The following ZSWIM5 variants were observed in gnomAD, a reference collection of about 807,000 sequenced individuals.
The protein encoded by ZSWIM5 is zinc finger SWIM-type containing 5.
ZSWIM5 carries 55 observed loss-of-function variants against 119.6 expected under a neutral mutation model. The ratio of observed to expected loss-of-function variants is 0.46; its 90% CI spans 0.37 to 0.58. ZSWIM5 has a LOEUF of 0.58. Ranked by LOEUF, ZSWIM5 falls within the 20% of genes least tolerant of loss-of-function variation. The pLI is 0.00. For synonymous variants in ZSWIM5, 537 were observed against 606.9 expected, an observed-to-expected ratio of 0.88 and a Z score of 1.69; for missense variants, 1,193 against 1,512.8, an observed-to-expected ratio of 0.79 and a Z score of 3.51.
At chr1:45,190,374 G>C (rs1290412529) in intron 1 of ZSWIM5, among the ~76,000 whole-genome samples, 1 of 152,088 alleles carries the variant, frequency 6.6e-6, no homozygotes, top group Non-Finnish European at 1.5e-5. Flanking sequence ...TAGACCACCA[G>C]AGATTCTGGC....
rs1275889455 is a variant in ZSWIM5, at chr1:45,088,539, T to A, written c.596-302A>T. 6.6e-6 allele frequency among the ~76,000 whole-genome samples: 1 copy of A among 152,162 alleles called. No homozygotes were observed. Among genetic ancestry groups the A allele is most frequent in the Non-Finnish European group, 1.5e-5 (1 of 68,038 alleles). On this transcript the variant is annotated intron_variant, in intron 1 of 13. Transcript: ENST00000359600. The surrounding 1 kb of genome is among the most constrained non-coding windows in gnomAD (Gnocchi z 4.2). ...GGGTGGGGATAGTTCATAGCTATCA[T>A]CATAGTCTCAGAAAGACTAATAAGG...
At chr1:45,047,946 G>C (rs1645065132) in intron 5 of ZSWIM5, among the ~76,000 whole-genome samples, 1 of 152,068 alleles carries the variant, frequency 6.6e-6, no homozygotes. Context: ...GCACAGACTA[G>C]GGAAATGTAC....
intron 1 of ZSWIM5, among the ~76,000 whole-genome samples, chr1:45,134,887 T>A (rs1048463385): frequency 1.5e-4 from 23 of 152,238 alleles, no homozygotes; most frequent in African/African-American, 5.3e-4. Context: ...TCAAGGCTCA[T>A]CCATGTTGTA....
chr1:45,188,564 C>G (rs1019832172), intron 1 of ZSWIM5, among the ~76,000 whole-genome samples: 10 of 152,174 alleles, frequency 6.6e-5, no homozygotes, highest in African/African-American at 1.9e-4. Context: ...CTGAATTGTA[C>G]ACTTTAAATG....
At chr1:45,195,873 CTTTTTT>C in intron 1 of ZSWIM5, among the ~76,000 whole-genome samples, 1 of 138,580 alleles carries the variant, frequency 7.2e-6, no homozygotes. Context: ...TTTTCTTTTT[CTTTTTT>C]TTTTTTTTAG....
intron 1 of ZSWIM5, among the ~76,000 whole-genome samples, chr1:45,099,952 G>A (rs536543864): frequency 1.3e-5 from 2 of 152,298 alleles, no homozygotes; most frequent in South Asian, 2.1e-4. Flanking sequence ...TACTGAATGG[G>A]CAAAAACTGG....
intron 1 of ZSWIM5, among the ~76,000 whole-genome samples, chr1:45,153,093 T>TAAAAAAAAAAAAA (rs76324771): frequency 9.4e-6 from 1 of 105,866 alleles, no homozygotes. Context: ...ATTAAAAAGT[T>TAAAAAAAAAAAAA]AAAAAAAAAA....
chr1:45,115,301 G>C (rs1345982073), intron 1 of ZSWIM5, among the ~76,000 whole-genome samples: 1 of 151,434 alleles, frequency 6.6e-6, no homozygotes, highest in Non-Finnish European at 1.5e-5. Flanking sequence ...CCTCCTGGAT[G>C]GGGCGGCTGG....
At chr1:45,050,484 T>C (rs1474176826) in intron 5 of ZSWIM5, among the ~76,000 whole-genome samples, 1 of 152,190 alleles carries the variant, frequency 6.6e-6, no homozygotes, top group East Asian at 1.9e-4. Context: ...TTAGTTGAAC[T>C]AAAACTGATA....
chr1:45,163,039 C>G (rs558972723), intron 1 of ZSWIM5, among the ~76,000 whole-genome samples: 61 of 152,284 alleles, frequency 4.0e-4, no homozygotes, highest in Middle Eastern at 6.8e-3. Context: ...GGTCCTTGAC[C>G]CCCAAGTAGC....
At chr1:45,151,689 G>A (rs1242394049) in intron 1 of ZSWIM5, among the ~76,000 whole-genome samples, 1 of 152,068 alleles carries the variant, frequency 6.6e-6, no homozygotes, top group Non-Finnish European at 1.5e-5. Flanking sequence ...AATTAGGTAA[G>A]CAAAGAAGGG....
At chr1:45,145,998 G>A (rs1645757357) in intron 1 of ZSWIM5, among the ~76,000 whole-genome samples, 1 of 152,154 alleles carries the variant, frequency 6.6e-6, no homozygotes. Flanking sequence ...TGATATTCAA[G>A]TAAGAAAAGG....
chr1:45,036,603 C>T lies in ZSWIM5; in HGVS notation c.1895-304G>A, dbSNP rs148211415. 8.0e-3 allele frequency among the ~76,000 whole-genome samples: 1,216 copies of T among 152,108 alleles called. 15 individuals carry two copies. Among genetic ancestry groups the T allele is most frequent in the African/African-American group, 0.028 (1,151 of 41,478 alleles). Reference sequence around the variant, plus strand: ...CTCCTGACCTCAGGTGATCTGCCTACCTCGGCCTCCGAATGTGCTGGGATT... The same window carrying T: ...CTCCTGACCTCAGGTGATCTGCCTATCTCGGCCTCCGAATGTGCTGGGATT... On this transcript the variant is annotated intron_variant, in intron 8 of 13. Transcript: ENST00000359600.
At chr1:45,158,348 T>C (rs1462867084) in intron 1 of ZSWIM5, among the ~76,000 whole-genome samples, 1 of 151,984 alleles carries the variant, frequency 6.6e-6, no homozygotes, top group African/African-American at 2.4e-5. Context: ...TTTGTATTTT[T>C]AGTAGAGGCA....
At position 45,115,464 on chromosome 1, in the gene ZSWIM5, G is replaced by A. The variant is rs186447372; in HGVS notation, c.596-27227C>T. Among the ~76,000 whole-genome samples, 260 of 151,748 alleles carry A rather than the reference G, an allele frequency of 1.7e-3. 4 individuals carry two copies. The highest frequency in any genetic ancestry group is 6.8e-3 in the Middle Eastern group (2 of 292). Reference sequence around the variant, plus strand: ...ACGCTCCTCACCTTCCAGACGGGGTGGCGGTCGGGCAGAGACACTCCTCAG... The same window carrying A: ...ACGCTCCTCACCTTCCAGACGGGGTAGCGGTCGGGCAGAGACACTCCTCAG... On this transcript the variant is annotated intron_variant, in intron 1 of 13. Transcript: ENST00000359600.
intron 1 of ZSWIM5, among the ~76,000 whole-genome samples, chr1:45,107,619 G>A (rs1161616326): frequency 6.9e-6 from 1 of 145,290 alleles, no homozygotes; most frequent in African/African-American, 2.6e-5. Context: ...TCCAGCCTGG[G>A]CGACAGAGTG....
At chr1:45,173,143 T>C (rs1246601172) in intron 1 of ZSWIM5, among the ~76,000 whole-genome samples, 3 of 152,074 alleles carry the variant, frequency 2.0e-5, no homozygotes, top group African/African-American at 7.2e-5. Context: ...CCAGCCTGGG[T>C]GACATAGCAA....
At chr1:45,160,989 A>ATTTTTTT (rs534599856) in intron 1 of ZSWIM5, among the ~76,000 whole-genome samples, 6 of 122,668 alleles carry the variant, frequency 4.9e-5, no homozygotes, top group African/African-American at 1.8e-4. Context: ...GCCCGGCTAA[A>ATTTTTTT]TTTTTTTTTT....
intron 1 of ZSWIM5, among the ~76,000 whole-genome samples, chr1:45,113,762 C>T (rs1645531378): frequency 6.6e-6 from 1 of 152,180 alleles, no homozygotes; most frequent in South Asian, 2.1e-4. Flanking sequence ...ACCTATATTT[C>T]CAACTGCCTG....
Sources: gnomAD v4.1 joint callset for allele counts (sites outside exome capture counted in the v4.1 genomes callset) on GRCh38, gnomAD v4.1.1 for gene constraint, Gnocchi (gnomAD v3.1) non-coding constraint, MANE v1.5 for transcripts, NCBI Gene and HGNC (gene_info 2026-07-23, HGNC 2026-07-21) for gene names.